VWF: variants seen among roughly 807,000 people sequenced by gnomAD.
VWF encodes von Willebrand factor.
A neutral mutation model predicts 308.6 loss-of-function variants in VWF; 176 were observed. The ratio of observed to expected loss-of-function variants is 0.57; its 90% CI spans 0.50 to 0.65. The LOEUF (loss-of-function observed/expected upper bound fraction) is 0.65, where lower values mean the gene tolerates loss of function less well. VWF is among the 30% of genes least tolerant of loss of function. VWF has a pLI of 0.00. For synonymous variants in VWF, 1,385 were observed against 1,443.4 expected, an observed-to-expected ratio of 0.96 and a Z score of 0.92; for missense variants, 3,146 against 3,648.2, an observed-to-expected ratio of 0.86 and a Z score of 3.55.
intron 24 of VWF, 110 bp downstream of exon 24, chr12:6,025,470 T>C (rs1378050856): frequency 1.1e-5 from 10 of 888,656 alleles, no homozygotes; most frequent in East Asian, 5.2e-5. Context: ...TTGGTGCAGA[T>C]CATGTCAAGA....
At chr12:6,104,518 T>C (rs1305218980) in intron 5 of VWF, among the ~76,000 whole-genome samples, 1 of 151,546 alleles carries the variant, frequency 6.6e-6, no homozygotes, top group East Asian at 1.9e-4. Flanking sequence ...AAACCCCGCC[T>C]CTACTAAAAA....
At chr12:6,032,916 A>G (rs1209023650) in intron 20 of VWF, among the ~76,000 whole-genome samples, 2 of 151,716 alleles carry the variant, frequency 1.3e-5, no homozygotes, top group African/African-American at 4.8e-5. Context: ...ACACGTAGCC[A>G]TACACACACA....
chr12:5,983,293 A>G, intron 40 of VWF, 39 bp from the exon 41 acceptor site: 2 of 1,597,700 alleles, frequency 1.3e-6, no homozygotes, highest in Non-Finnish European at 1.7e-6. Context: ...CAGAGTTCAG[A>G]AAGGTTACTC....
At position 6,061,976 on chromosome 12, in the gene VWF, T is replaced by C. The variant is rs553335747; in HGVS notation, c.1533+978A>G. On this transcript the variant is annotated intron_variant, in intron 13 of 51. Coordinates refer to ENST00000261405, the MANE Select transcript of VWF (RefSeq NM_000552.5). ...TGGTATTATTCTTGTTGCTTATTTT[T>C]GTTCTGGCAAACAGTTACTTTTCCC... Among the ~76,000 whole-genome samples the C allele has an allele frequency of 1.2e-4, 18 of 152,364 alleles. No individual in the cohort carries two copies. The South Asian group carries it at 3.7e-3, about 32-fold the overall frequency.
At chr12:5,955,459 C>T (rs1299835732) in intron 47 of VWF, among the ~76,000 whole-genome samples, 1 of 150,902 alleles carries the variant, frequency 6.6e-6, no homozygotes. Context: ...TGAGTGAGAA[C>T]ATGCGGTGTT....
chr12:6,025,325 C>T (rs115708869), intron 24 of VWF, among the ~76,000 whole-genome samples: 4,960 of 152,298 alleles, frequency 0.033, 243 homozygotes, highest in African/African-American at 0.11. Flanking sequence ...GAAAGAGAAG[C>T]ATTGGCACAT....
At chr12:6,003,700 G>A (rs1943896737) in intron 34 of VWF, among the ~76,000 whole-genome samples, 1 of 152,112 alleles carries the variant, frequency 6.6e-6, no homozygotes, top group African/African-American at 2.4e-5. Flanking sequence ...GAGGAAGGGG[G>A]AAATGGGGTA....
intron 3 of VWF, among the ~76,000 whole-genome samples, chr12:6,112,454 G>A (rs1945317757): frequency 6.6e-6 from 1 of 152,164 alleles, no homozygotes; most frequent in African/African-American, 2.4e-5. Context: ...TGGAGACTGA[G>A]AAATTAATGG....
rs2136455915 is a variant in VWF at position 6,057,981 on chromosome 12, C to T, written c.1597G>A (p.Asp533Asn). 4 of 1,613,640 alleles carry T rather than the reference C, an allele frequency of 2.5e-6. No individual in the cohort carries two copies. The highest frequency in any genetic ancestry group is 1.1e-5 in the South Asian group (1 of 91,080). Residue 533 changes from aspartate (D) to asparagine (N), a missense_variant, in exon 14 of 52, where the codon GAC (aspartate) becomes AAC (asparagine). Asp to Asn is a conservative substitution (Grantham distance 23, BLOSUM62 1). Coordinates refer to ENST00000261405, the MANE Select transcript of VWF (RefSeq NM_000552.5). ...AGCCCAGAGGGGGTAAGGAAGTCGT[C>T]GCCCTGGTTGCCATTGTAATTCCCA... ...LCGNYNGNQG[D>N]DFLTPSGLAE...
intron 47 of VWF, among the ~76,000 whole-genome samples, chr12:5,957,957 C>T (rs991738577): frequency 6.6e-6 from 1 of 151,970 alleles, no homozygotes; most frequent in Non-Finnish European, 1.5e-5. Context: ...AACTGTATGA[C>T]AACAAATGTA....
intron 5 of VWF, among the ~76,000 whole-genome samples, chr12:6,100,258 A>G (rs1312688983): frequency 6.7e-6 from 1 of 149,420 alleles, no homozygotes; most frequent in Non-Finnish European, 1.5e-5. Flanking sequence ...GCTGGAGAGG[A>G]TGTGGAGAAA....
At chr12:5,960,634 C>A (rs887257336) in intron 47 of VWF, among the ~76,000 whole-genome samples, 1 of 152,130 alleles carries the variant, frequency 6.6e-6, no homozygotes, top group Non-Finnish European at 1.5e-5. Flanking sequence ...CAGGATAACA[C>A]GTCATGAAGA....
chr12:6,086,873 A>G (rs1242435702), intron 6 of VWF, among the ~76,000 whole-genome samples: 2 of 152,208 alleles, frequency 1.3e-5, no homozygotes, highest in Non-Finnish European at 2.9e-5. Flanking sequence ...CTGAGGAGGC[A>G]TGCTGTGATT....
chr12:6,075,600 TGA>T lies in VWF; in HGVS notation c.658-51_658-50del, dbSNP rs1565854036. On this transcript the variant is annotated intron_variant, in intron 6 of 51. Coordinates refer to ENST00000261405, the MANE Select transcript of VWF (RefSeq NM_000552.5). The surrounding 1 kb of genome is among the most constrained non-coding windows in gnomAD (Gnocchi z 4.7). ...GCGGTATGCTCCGTTAGTGTCTCCC[TGA>T]GTGTGGCACTGAGACTTAGCCCTGC... 1.3e-6 allele frequency: 2 copies of T among 1,577,128 alleles called. No homozygotes were observed. Among genetic ancestry groups the T allele is most frequent in the African/African-American group, 2.7e-5 (2 of 73,978 alleles).
At chr12:6,052,889 T>G in intron 15 of VWF, 106 bp from the exon 16 acceptor site, 1 of 1,438,380 alleles carries the variant, frequency 7.0e-7, no homozygotes, top group East Asian at 2.5e-5. Flanking sequence ...ATTATTTAAT[T>G]AAAATTTTTA....
intron 3 of VWF, among the ~76,000 whole-genome samples, chr12:6,116,074 G>C (rs1428602570): frequency 6.6e-6 from 1 of 152,252 alleles, no homozygotes; most frequent in East Asian, 1.9e-4. Flanking sequence ...AGAACTCAGG[G>C]GCATCAGATG....
intron 3 of VWF, among the ~76,000 whole-genome samples, chr12:6,111,957 C>CA (rs910505899): frequency 4.0e-5 from 6 of 149,752 alleles, no homozygotes; most frequent in African/African-American, 9.9e-5. Context: ...GACTCTGTCT[C>CA]AAAAAAAATA....
intron 34 of VWF, among the ~76,000 whole-genome samples, chr12:6,008,366 G>A (rs1228958447): frequency 2.0e-5 from 3 of 152,050 alleles, no homozygotes; most frequent in Admixed American, 6.6e-5. Flanking sequence ...ATGGCTCAAC[G>A]TCTAAAAATC....
intron 32 of VWF, among the ~76,000 whole-genome samples, chr12:6,012,952 C>T (rs1190789315): frequency 3.9e-5 from 6 of 152,100 alleles, no homozygotes; most frequent in African/African-American, 7.2e-5. Context: ...CCGCCCGCCT[C>T]GGCCTCCCAA....
Sources: allele counts gnomAD v4.1 joint callset (sites outside exome capture counted in the v4.1 genomes callset), GRCh38; gene constraint gnomAD v4.1.1; non-coding constraint Gnocchi (gnomAD v3.1); transcripts MANE v1.5; gene names NCBI Gene and HGNC (gene_info 2026-07-23, HGNC 2026-07-21).